The following AUTS2 variants were observed in gnomAD, a reference collection of about 807,000 sequenced individuals.
AUTS2 encodes the protein activator of transcription and developmental regulator AUTS2.
AUTS2 carries 17 observed loss-of-function variants against 112.4 expected under a neutral mutation model. That is an observed-to-expected ratio of 0.15 (90% confidence interval 0.10 to 0.23). The LOEUF (loss-of-function observed/expected upper bound fraction) is 0.23, where lower values mean the gene tolerates loss of function less well. Among genes scored for constraint, AUTS2 ranks in the 10% least tolerant of loss-of-function variants. The pLI is 1.00. For missense variants in AUTS2, 1,510 were observed against 1,701.6 expected, an observed-to-expected ratio of 0.89 and a Z score of 1.98; for synonymous variants, 751 against 702.7, an observed-to-expected ratio of 1.07 and a Z score of -1.09.
intron 1 of AUTS2, among the ~76,000 whole-genome samples, chr7:69,869,302 C>T (rs1031180008): frequency 2.0e-5 from 3 of 152,010 alleles, no homozygotes; most frequent in African/African-American, 7.2e-5. Context: ...TACTCAGGAG[C>T]CCTTCCTGCC....
At chr7:70,586,564 G>A (rs920138253) in intron 5 of AUTS2, among the ~76,000 whole-genome samples, 5 of 152,168 alleles carry the variant, frequency 3.3e-5, no homozygotes, top group African/African-American at 7.2e-5. Context: ...TGACTGAAGC[G>A]TTGCATTGTA....
At chr7:70,105,354 G>A (rs1804712128) in intron 2 of AUTS2, among the ~76,000 whole-genome samples, 1 of 152,068 alleles carries the variant, frequency 6.6e-6, no homozygotes, top group African/African-American at 2.4e-5. Context: ...CGAACTCCTG[G>A]GCTCGGGCAA....
chr7:70,117,102 TTG>T (rs1485445032), intron 2 of AUTS2, among the ~76,000 whole-genome samples: 10 of 123,964 alleles, frequency 8.1e-5, no homozygotes, highest in African/African-American at 3.4e-4. Flanking sequence ...GAGATGACTT[TTG>T]TTTTTTTTTT....
rs532505955 is a variant in AUTS2, at chr7:70,594,834, G to A, written c.691-103735G>A. On this transcript the variant is annotated intron_variant, in intron 5 of 18. Coordinates refer to ENST00000342771, the MANE Select transcript of AUTS2 (RefSeq NM_015570.4). ...TTACTAGCTGAGGCCGGGCACAGTC[G>A]CTCACACCTGTAATCCCAGCACTTT... Among the ~76,000 whole-genome samples, 9 of 152,258 alleles carry A rather than the reference G, an allele frequency of 5.9e-5. No individual in the cohort carries two copies. The East Asian group carries it at 1.2e-3, about 20-fold the overall frequency.
At chr7:70,380,869 G>T (rs1046699050) in intron 4 of AUTS2, among the ~76,000 whole-genome samples, 4 of 152,154 alleles carry the variant, frequency 2.6e-5, no homozygotes, top group African/African-American at 9.7e-5. Flanking sequence ...AAACTAGCCT[G>T]AAATAGAACA....
chr7:70,317,399 T>C lies in AUTS2; in HGVS notation c.661-118353T>C, dbSNP rs186524391. 6.6e-5 allele frequency among the ~76,000 whole-genome samples: 10 copies of C among 152,320 alleles called. No individual in the cohort carries two copies. In the East Asian group the frequency reaches 1.9e-3, roughly 29 times the overall value. On this transcript the variant is annotated intron_variant, in intron 4 of 18. Transcript: ENST00000342771. Reference sequence around the variant, plus strand: ...CCAACAATATTACAGGAATATTGTGTAGAAAATAATGACTAATACTTTGAG... The same window carrying C: ...CCAACAATATTACAGGAATATTGTGCAGAAAATAATGACTAATACTTTGAG...
At chr7:69,652,678 C>A (rs1482874136) in intron 1 of AUTS2, among the ~76,000 whole-genome samples, 1 of 151,794 alleles carries the variant, frequency 6.6e-6, no homozygotes, top group African/African-American at 2.4e-5. Flanking sequence ...CAAAGTTTTA[C>A]AAACACATGA....
At chr7:70,189,023 C>T (rs1231508849) in intron 4 of AUTS2, among the ~76,000 whole-genome samples, 1 of 152,066 alleles carries the variant, frequency 6.6e-6, no homozygotes, top group Non-Finnish European at 1.5e-5. Flanking sequence ...ACGCCAAGAA[C>T]AGCCAGAATT....
At chr7:69,701,240 C>A (rs531842858) in intron 1 of AUTS2, among the ~76,000 whole-genome samples, 64 of 152,112 alleles carry the variant, frequency 4.2e-4, no homozygotes, top group African/African-American at 1.5e-3. Flanking sequence ...AAATACTGGC[C>A]GAAAAGTCGT....
intron 4 of AUTS2, among the ~76,000 whole-genome samples, chr7:70,249,694 C>T (rs1285167605): frequency 2.0e-5 from 3 of 151,926 alleles, no homozygotes; most frequent in African/African-American, 7.3e-5. Context: ...TTACAGGATC[C>T]ACATCCCTAA....
At chr7:70,054,334 CCCTT>C (rs1384217408) in intron 2 of AUTS2, among the ~76,000 whole-genome samples, 17 of 152,130 alleles carry the variant, frequency 1.1e-4, no homozygotes, top group Admixed American at 8.5e-4. Flanking sequence ...CTCACTCACT[CCCTT>C]CCTTTTTCTC....
At chr7:70,387,119 A>G (rs540396471) in intron 4 of AUTS2, among the ~76,000 whole-genome samples, 1 of 152,238 alleles carries the variant, frequency 6.6e-6, no homozygotes, top group African/African-American at 2.4e-5. Context: ...TGCCTCCTCA[A>G]GCTACCATTC....
intron 4 of AUTS2, among the ~76,000 whole-genome samples, chr7:70,159,128 A>G (rs1312949557): frequency 6.6e-6 from 1 of 152,222 alleles, no homozygotes; most frequent in African/African-American, 2.4e-5. Context: ...CTTTGTTAGA[A>G]TACATCTTGG....
chr7:69,890,368 G>A (rs1040734990), intron 1 of AUTS2, among the ~76,000 whole-genome samples: 2 of 152,174 alleles, frequency 1.3e-5, no homozygotes, highest in East Asian at 3.9e-4. Flanking sequence ...ACCTTTGACA[G>A]TGGCACTGCA....
At position 70,628,209 on chromosome 7, in the gene AUTS2, T is replaced by A. The variant is rs77599130; in HGVS notation, c.691-70360T>A. Among the ~76,000 whole-genome samples, 509 of 152,134 alleles carry A rather than the reference T, an allele frequency of 3.3e-3. 10 individuals carry two copies. In the East Asian group the frequency reaches 0.051, roughly 15 times the overall value. ...GGCCAGATCAAAAAAACATGTTTAT[T>A]TGCCATGGTGGGACAGATTTACCAT... On this transcript the variant is annotated intron_variant, in intron 5 of 18. Coordinates refer to ENST00000342771, the MANE Select transcript of AUTS2 (RefSeq NM_015570.4).
intron 17 of AUTS2, 66 bp downstream of exon 17, chr7:70,786,104 C>A: frequency 1.5e-6 from 2 of 1,377,098 alleles, no homozygotes; most frequent in South Asian, 2.4e-5. Context: ...GCATATGGCT[C>A]AAGACCTTTC....
chr7:70,155,758 ACT>A (rs1807713653), intron 4 of AUTS2, among the ~76,000 whole-genome samples: 1 of 151,994 alleles, frequency 6.6e-6, no homozygotes, highest in Non-Finnish European at 1.5e-5. Context: ...GCCTGTGTTT[ACT>A]CTACTAGGGT....
intron 5 of AUTS2, among the ~76,000 whole-genome samples, chr7:70,542,519 A>G (rs941905243): frequency 3.3e-5 from 5 of 152,196 alleles, no homozygotes; most frequent in Non-Finnish European, 7.3e-5. Context: ...GCCAGGGAGA[A>G]TGCAAAGTGG....
intron 1 of AUTS2, among the ~76,000 whole-genome samples, chr7:69,749,800 A>AGG (rs1787659751): frequency 6.6e-6 from 1 of 152,214 alleles, no homozygotes; most frequent in Non-Finnish European, 1.5e-5. Flanking sequence ...AATAACAGCA[A>AGG]GGGAGAGGGG....
Sources: allele counts gnomAD v4.1 joint callset (sites outside exome capture counted in the v4.1 genomes callset), GRCh38; gene constraint gnomAD v4.1.1; transcripts MANE v1.5; gene names NCBI Gene and HGNC (gene_info 2026-07-23, HGNC 2026-07-21).